Variants in ANKRD55 observed in about 807,000 individuals in gnomAD.
ANKRD55 encodes the protein ankyrin repeat domain 55.
Under a neutral mutation model 60.6 loss-of-function variants are expected in ANKRD55, and 41 were observed. That is an observed-to-expected ratio of 0.68 (90% CI 0.53 to 0.88). ANKRD55 has a LOEUF of 0.88. ANKRD55 is among the 40% of genes least tolerant of loss of function. The pLI is 0.00. For missense variants in ANKRD55, 732 were observed against 767.6 expected (o/e 0.95, Z 0.55); for synonymous variants, 264 against 290.3 (o/e 0.91, Z 0.92).
intron 7 of ANKRD55, among the ~76,000 whole-genome samples, chr5:56,138,513 A>G (rs1014848131): frequency 1.3e-5 from 2 of 152,114 alleles, no homozygotes; most frequent in African/African-American, 4.8e-5. Context: ...GGAACTGAAA[A>G]CTTATGTTTA....
chr5:56,177,013 G>C (rs1758751452), intron 3 of ANKRD55, among the ~76,000 whole-genome samples: 1 of 152,124 alleles, frequency 6.6e-6, no homozygotes, highest in South Asian at 2.1e-4. Flanking sequence ...TTCTTCTCCA[G>C]ATGAACTGCA....
rs1756673811 is a variant in ANKRD55, at chr5:56,111,036, A to C, written c.1630+82T>G. On this transcript the variant is annotated intron_variant, in intron 10 of 11. Coordinates refer to ENST00000341048, the MANE Select transcript of ANKRD55 (RefSeq NM_024669.3). ...TCACCCTGCCTTCTAGGCTATTGTC[A>C]CTCCAGTTCCTAGCTTAAAACTGTA... 5 of 1,473,576 alleles carry C rather than the reference A, an allele frequency of 3.4e-6. No individual in the cohort carries two copies. In the Admixed American group the frequency reaches 6.2e-5, roughly 18 times the overall value. The allele number at this position is 1,473,576 out of a possible 1,614,324, so 91.3% of individuals were successfully genotyped here.
intron 2 of ANKRD55, among the ~76,000 whole-genome samples, chr5:56,202,364 T>G (rs1759400382): frequency 6.6e-6 from 1 of 152,186 alleles, no homozygotes. Flanking sequence ...TCCAAATTAC[T>G]ACTTTGACAT....
intron 7 of ANKRD55, among the ~76,000 whole-genome samples, chr5:56,134,665 A>G (rs1036796205): frequency 5.3e-5 from 8 of 152,132 alleles, no homozygotes; most frequent in Non-Finnish European, 8.8e-5. Context: ...ATTCACTGGT[A>G]AATTTTACCA....
chr5:56,106,746 C>A (rs140429127), intron 10 of ANKRD55, among the ~76,000 whole-genome samples: 158 of 152,060 alleles, frequency 1.0e-3, no homozygotes, highest in African/African-American at 3.6e-3. Flanking sequence ...TGGCTCATAT[C>A]TATAATGCCA....
Position 56,135,287 on chromosome 5 carries a change from C to CTTT in ANKRD55, c.613-8182_613-8181insAAA, listed in dbSNP as rs1554038503. Among the ~76,000 whole-genome samples, 23 of 47,788 alleles carry CTTT rather than the reference C, an allele frequency of 4.8e-4. 1 individual carries two copies. Among genetic ancestry groups the CTTT allele is most frequent in the East Asian group, 1.9e-3 (4 of 2,152 alleles). 31.4% of individuals were successfully genotyped at this position (47,788 alleles called of 152,430 possible). On this transcript the variant is annotated intron_variant, in intron 7 of 11. Transcript: ENST00000341048. ...CTTTCCCTCCCTCCCTCCCTGCCTG[C>CTTT]CTGCTTGCTTTCTTTCTTTCTTTCT...
At chr5:56,188,275 C>G (rs565915554) in intron 2 of ANKRD55, among the ~76,000 whole-genome samples, 4 of 152,128 alleles carry the variant, frequency 2.6e-5, no homozygotes, top group African/African-American at 7.2e-5. Context: ...CACCCATGAA[C>G]CTGGAAGCCA....
intron 8 of ANKRD55, among the ~76,000 whole-genome samples, chr5:56,125,996 T>G (rs1014124195): frequency 6.6e-6 from 1 of 152,048 alleles, no homozygotes; most frequent in Non-Finnish European, 1.5e-5. Context: ...AAGCTGGGCA[T>G]GGTGGCAGGA....
rs374696369 is a variant in ANKRD55, at chr5:56,132,556, A to C, written c.613-5450T>G. On this transcript the variant is annotated intron_variant, in intron 7 of 11. Coordinates refer to ENST00000341048, the MANE Select transcript of ANKRD55 (RefSeq NM_024669.3). ...CAGTGAGCAGAGATCGCGCCACTGC[A>C]CTCCTGCCTGGGTGACAGAATGAGA... 1.1e-3 allele frequency among the ~76,000 whole-genome samples: 165 copies of C among 149,296 alleles called. 1 individual carries two copies. In the Middle Eastern group the frequency reaches 0.021, roughly 19 times the overall value.
chr5:56,228,626 T>C (rs947324507), intron 2 of ANKRD55, among the ~76,000 whole-genome samples: 1 of 152,088 alleles, frequency 6.6e-6, no homozygotes, highest in African/African-American at 2.4e-5. Flanking sequence ...GGTTTCACCA[T>C]GTTGGCCAGG....
At chr5:56,185,417 A>G (rs1220407794) in intron 2 of ANKRD55, among the ~76,000 whole-genome samples, 1 of 152,158 alleles carries the variant, frequency 6.6e-6, no homozygotes, top group Non-Finnish European at 1.5e-5. Context: ...CTGTAATCGC[A>G]GCACTTTGGG....
chr5:56,127,597 G>A, intron 7 of ANKRD55: 1 of 985,004 alleles, frequency 1.0e-6, no homozygotes, highest in Non-Finnish European at 1.2e-6. Context: ...TTCGGGGTAG[G>A]GCCAAGGAGC....
intron 6 of ANKRD55, chr5:56,146,777 A>G (rs949487122): frequency 1.3e-5 from 2 of 152,110 alleles, no homozygotes; most frequent in East Asian, 1.9e-4. Context: ...CTCACATCCA[A>G]TTACTAACCA....
chr5:56,161,589 A>G (rs1758331874), intron 5 of ANKRD55, among the ~76,000 whole-genome samples: 1 of 152,200 alleles, frequency 6.6e-6, no homozygotes, highest in African/African-American at 2.4e-5. Context: ...TTTGCGGTGG[A>G]GGTGAAATAA....
At chr5:56,232,695 C>A (rs574928401) in intron 2 of ANKRD55, among the ~76,000 whole-genome samples, 161 bp downstream of exon 2, 10 of 151,844 alleles carry the variant, frequency 6.6e-5, no homozygotes, top group Admixed American at 5.9e-4. Context: ...TAGGTGAAAT[C>A]CTCTTTCCAC....
intron 4 of ANKRD55, among the ~76,000 whole-genome samples, chr5:56,171,315 A>G (rs1758607663): frequency 6.6e-6 from 1 of 152,186 alleles, no homozygotes; most frequent in Admixed American, 6.5e-5. Context: ...CATCACCAGC[A>G]CCTTCCAAAG....
chr5:56,167,854 T>C (rs1758520091), intron 5 of ANKRD55, among the ~76,000 whole-genome samples: 1 of 152,122 alleles, frequency 6.6e-6, no homozygotes, highest in Non-Finnish European at 1.5e-5. Context: ...GAAACACAAG[T>C]CCACAAAGAG....
At chr5:56,159,110 G>A (rs553796897) in intron 6 of ANKRD55, among the ~76,000 whole-genome samples, 5 of 152,288 alleles carry the variant, frequency 3.3e-5, no homozygotes, top group African/African-American at 1.2e-4. Context: ...AGCCTCCTGA[G>A]TAGCTGTGAC....
intron 3 of ANKRD55, among the ~76,000 whole-genome samples, chr5:56,182,881 G>A (rs1758880942): frequency 6.6e-6 from 1 of 152,214 alleles, no homozygotes; most frequent in Admixed American, 6.5e-5. Context: ...TGTCTAAAAA[G>A]TGTTCTGTCT....
Sources: allele counts gnomAD v4.1 joint callset (sites outside exome capture counted in the v4.1 genomes callset), GRCh38; gene constraint gnomAD v4.1.1; transcripts MANE v1.5; gene names NCBI Gene and HGNC (gene_info 2026-07-23, HGNC 2026-07-21).